Variants in ADAMTSL1 observed in about 807,000 individuals in gnomAD.
ADAMTSL1 encodes the protein ADAMTS-like protein 1.
In ADAMTSL1, 126 loss-of-function variants were observed where a neutral mutation model predicts 201.8. The ratio of observed to expected loss-of-function variants is 0.62; its 90% confidence interval spans 0.54 to 0.72. The LOEUF is 0.72. Ranked by LOEUF, ADAMTSL1 falls within the 30% of genes least tolerant of loss-of-function variation. The pLI is 0.00. For missense variants in ADAMTSL1, 2,679 were observed against 2,277.8 expected, an observed-to-expected ratio of 1.18 and a Z score of -3.59; for synonymous variants, 1,121 against 903.4, an observed-to-expected ratio of 1.24 and a Z score of -4.32.
intron 2 of ADAMTSL1, among the ~76,000 whole-genome samples, chr9:18,229,697 A>G (rs10963530): frequency 0.22 from 33,543 of 151,328 alleles, 3,821 homozygotes; most frequent in Middle Eastern, 0.26. Flanking sequence ...CGTTCAACCA[A>G]CATTTTTTTT....
intron 15 of ADAMTSL1, among the ~76,000 whole-genome samples, chr9:18,725,100 G>T (rs1439613409): frequency 6.6e-6 from 1 of 152,120 alleles, no homozygotes; most frequent in Non-Finnish European, 1.5e-5. Context: ...TAGGGACGGG[G>T]TTTCACCATG....
At chr9:18,817,457 A>G (rs954139797) in intron 21 of ADAMTSL1, among the ~76,000 whole-genome samples, 2 of 152,228 alleles carry the variant, frequency 1.3e-5, no homozygotes, top group African/African-American at 2.4e-5. Flanking sequence ...TGATCTTTTT[A>G]TGTGTATGTT....
intron 2 of ADAMTSL1, among the ~76,000 whole-genome samples, chr9:18,397,665 C>T: frequency 6.6e-6 from 1 of 152,020 alleles, no homozygotes; most frequent in East Asian, 1.9e-4. Context: ...TGTAAATCAC[C>T]ATTGGATTAT....
intron 1 of ADAMTSL1, among the ~76,000 whole-genome samples, chr9:17,986,160 A>G (rs1291220823): frequency 6.6e-6 from 1 of 152,102 alleles, no homozygotes; most frequent in African/African-American, 2.4e-5. Flanking sequence ...TCATAAGTAC[A>G]GAATGGTTTC....
chr9:18,411,186 ATTTATTTATT>A (rs1818427698), intron 2 of ADAMTSL1, among the ~76,000 whole-genome samples: 1 of 147,986 alleles, frequency 6.8e-6, no homozygotes, highest in Non-Finnish European at 1.5e-5. Context: ...TTATTTATTT[ATTTATTTATT>A]TTTATTTATT....
At chr9:18,644,113 A>G (rs1048420804) in intron 7 of ADAMTSL1, among the ~76,000 whole-genome samples, 3 of 151,902 alleles carry the variant, frequency 2.0e-5, no homozygotes, top group Admixed American at 1.3e-4. Context: ...ACTCCTAAAT[A>G]TTGGGGGTTT....
chr9:18,023,189 A>G (rs762730942), intron 1 of ADAMTSL1, among the ~76,000 whole-genome samples: 2 of 152,228 alleles, frequency 1.3e-5, no homozygotes, highest in East Asian at 1.9e-4. Flanking sequence ...ACCTAGAACA[A>G]TGACTCAAAT....
At chr9:18,782,213 A>T (rs1312365599) in intron 19 of ADAMTSL1, among the ~76,000 whole-genome samples, 1 of 152,246 alleles carries the variant, frequency 6.6e-6, no homozygotes. Context: ...CCAGAGGAGT[A>T]AATGCAGTAT....
chr9:18,032,299 C>T lies in ADAMTSL1; in HGVS notation c.87+125377C>T, dbSNP rs111982420. Among the ~76,000 whole-genome samples the T allele has an allele frequency of 3.1e-3, 471 of 152,286 alleles. 2 individuals are homozygous for T. Among genetic ancestry groups the T allele is most frequent in the African/African-American group, 0.011 (443 of 41,566 alleles). On this transcript the variant is annotated intron_variant, in intron 1 of 29. Transcript: ENST00000680146. ...CAAGCTCTGGCCACAGACCTTAGCT[C>T]AATACCCCTCAGGGTAGTGTGCTCG...
Position 18,686,392 on chromosome 9 carries a change from A to G in ADAMTSL1, c.1574+1592A>G, listed in dbSNP as rs976772336. 3.9e-5 allele frequency among the ~76,000 whole-genome samples: 6 copies of G among 152,342 alleles called. No individual in the cohort carries two copies. In the East Asian group the frequency reaches 9.6e-4, roughly 24 times the overall value. The stretch of plus-strand genomic sequence containing the variant: ...AGATCACAGTGTAACCTTGGAATGA[A>G]AATATAAAGGCTTACAATTTTTTGC... On this transcript the variant is annotated intron_variant, in intron 13 of 28. Transcript: ENST00000380548.
chr9:18,099,051 A>G lies in ADAMTSL1; in HGVS notation c.88-64811A>G, dbSNP rs932382392. ...GTGGGAGGATTAATCTGTTTATTTC[A>G]TCCTATCTAGAAGAAGTCCATTCCA... is the stretch of plus-strand genomic sequence containing the variant. On this transcript the variant is annotated intron_variant, in intron 1 of 29. Coordinates refer to the ADAMTSL1 transcript ENST00000680146. Among the ~76,000 whole-genome samples the G allele has an allele frequency of 3.4e-5, 5 of 148,750 alleles. No homozygotes were observed. The East Asian group carries it at 7.8e-4, about 23-fold the overall frequency.
intron 1 of ADAMTSL1, among the ~76,000 whole-genome samples, chr9:17,958,539 C>T (rs942272671): frequency 4.6e-5 from 7 of 152,162 alleles, no homozygotes; most frequent in African/African-American, 1.7e-4. Flanking sequence ...AGATGAGGAA[C>T]AGCTCATTAA....
chr9:18,211,173 A>G (rs1829857507), intron 2 of ADAMTSL1, among the ~76,000 whole-genome samples: 1 of 152,114 alleles, frequency 6.6e-6, no homozygotes. Flanking sequence ...AGCAATACAC[A>G]GTCGCCAGTT....
At position 18,889,637 on chromosome 9, in the gene ADAMTSL1, C is replaced by A. The variant is rs200284587; in HGVS notation, c.4532C>A (p.Pro1511His). 6 of 1,613,290 alleles carry A rather than the reference C, an allele frequency of 3.7e-6. No individual in the cohort carries two copies. Among genetic ancestry groups the A allele is most frequent in the Non-Finnish European group, 4.2e-6 (5 of 1,179,614 alleles). Reference protein sequence around the residue: ...ASCGNRGVQQPRLRCLLNSTE... With the variant: ...ASCGNRGVQQHRLRCLLNSTE... ...TGTGGTAACCGGGGGGTTCAGCAGC[C>A]CCGCTTGAGGTGCCTGCTGAACAGC... is the stretch of plus-strand genomic sequence containing the variant. Residue 1511 changes from proline to histidine, a missense_variant, in exon 25 of 29, where the codon CCC becomes CAC. Pro to His is a moderately conservative substitution (Grantham distance 77). Coordinates refer to ENST00000380548, the MANE Select transcript of ADAMTSL1 (RefSeq NM_001040272.6).
intron 2 of ADAMTSL1, among the ~76,000 whole-genome samples, chr9:18,393,982 CTTTG>C (rs1246369455): frequency 2.0e-5 from 3 of 152,174 alleles, no homozygotes; most frequent in Admixed American, 6.5e-5. Context: ...TTTCGGGTTA[CTTTG>C]TTTGTTCCAG....
At chr9:17,956,952 A>T (rs1379626674) in intron 1 of ADAMTSL1, among the ~76,000 whole-genome samples, 1 of 152,256 alleles carries the variant, frequency 6.6e-6, no homozygotes, top group African/African-American at 2.4e-5. Context: ...AAGAATTAAA[A>T]TCATCCTACT....
chr9:18,865,606 T>C (rs1313788720), intron 23 of ADAMTSL1, among the ~76,000 whole-genome samples: 2 of 152,182 alleles, frequency 1.3e-5, no homozygotes, highest in Non-Finnish European at 2.9e-5. Flanking sequence ...CAGCTATTTT[T>C]TAAAAAATAG....
In ADAMTSL1 at chr9:18,753,408, T is replaced by C. The variant is rs1436102755; in HGVS notation, c.2117T>C (p.Ile706Thr). The C allele has an allele frequency of 2.5e-6, 4 of 1,613,252 alleles. No individual in the cohort carries two copies. In the South Asian group the frequency reaches 4.4e-5, roughly 18 times the overall value. The change falls in exon 16 of 29, where the codon ATC (isoleucine) becomes ACC (threonine). Residue 706 changes from isoleucine (I) to threonine (T), a missense_variant. Coordinates refer to ENST00000380548, the MANE Select transcript of ADAMTSL1 (RefSeq NM_001040272.6). ...LLSREMNETVILADELCRQPK... is the reference protein window; with the variant it reads ...LLSREMNETVTLADELCRQPK... The stretch of plus-strand genomic sequence containing the variant: ...TCCAGAGAGATGAATGAAACAGTCA[T>C]CCTGGCTGATGAGCTGTGTCGCCAG...
At chr9:17,967,878 G>C (rs1415691499) in intron 1 of ADAMTSL1, among the ~76,000 whole-genome samples, 1 of 151,994 alleles carries the variant, frequency 6.6e-6, no homozygotes, top group African/African-American at 2.4e-5. Context: ...TATTCACACT[G>C]GGATCATGAA....
Sources: gnomAD v4.1 joint callset for allele counts (sites outside exome capture counted in the v4.1 genomes callset) on GRCh38, gnomAD v4.1.1 for gene constraint, MANE v1.5 for transcripts, NCBI Gene and HGNC (gene_info 2026-07-23, HGNC 2026-07-21) for gene names.